GRIA1: variants seen among roughly 807,000 people sequenced by gnomAD.
GRIA1 encodes glutamate ionotropic receptor AMPA type subunit 1, also known as glutamate receptor 1.
GRIA1 carries 31 observed loss-of-function variants against 99.2 expected under a neutral mutation model. That is an observed-to-expected ratio of 0.31 (90% CI 0.23 to 0.42). The LOEUF (loss-of-function observed/expected upper bound fraction) is 0.42, where lower values mean the gene tolerates loss of function less well. Among genes scored for constraint, GRIA1 ranks in the 10% least tolerant of loss-of-function variants. The probability of loss-of-function intolerance (pLI) is 1.00; values close to 1 mark genes in which losing one functional copy is unlikely to be tolerated. For missense variants in GRIA1, 782 were observed against 1,157.5 expected, an observed-to-expected ratio of 0.68 and a Z score of 4.71; for synonymous variants, 438 against 432.4, an observed-to-expected ratio of 1.01 and a Z score of -0.16.
intron 1 of GRIA1, chr5:153,491,255 A>T: frequency 7.5e-7 from 1 of 1,340,352 alleles, no homozygotes; most frequent in South Asian, 2.0e-5. Context: ...GAAAAAAAAA[A>T]TCAGGCTGGA....
In GRIA1 at chr5:153,802,106, T is replaced by C. The variant is rs192631744; in HGVS notation, c.2386-250T>C. 3.5e-3 allele frequency among the ~76,000 whole-genome samples: 526 copies of C among 152,242 alleles called. 2 individuals are homozygous for C. Among genetic ancestry groups the C allele is most frequent in the Non-Finnish European group, 3.6e-3 (245 of 68,012 alleles). On this transcript the variant is annotated intron_variant, in intron 14 of 15. Coordinates refer to ENST00000285900, the MANE Select transcript of GRIA1 (RefSeq NM_000827.4). ...AGAAAAGGCATTGAGGAGTGGGGAA[T>C]TGTAATTACAAGTTCAACATAGTCA... is the stretch of plus-strand genomic sequence containing the variant.
chr5:153,586,864 C>T (rs1383552778), intron 2 of GRIA1, among the ~76,000 whole-genome samples: 3 of 152,250 alleles, frequency 2.0e-5, no homozygotes, highest in African/African-American at 2.4e-5. Flanking sequence ...GAGGGTCAGC[C>T]GGATATTTCA....
intron 2 of GRIA1, among the ~76,000 whole-genome samples, chr5:153,617,323 C>T (rs1364673316): frequency 6.6e-6 from 1 of 152,162 alleles, no homozygotes. Context: ...CCACTGTACA[C>T]ACAAGTAAGA....
At chr5:153,758,736 C>T (rs1261379084) in intron 11 of GRIA1, among the ~76,000 whole-genome samples, 1 of 151,926 alleles carries the variant, frequency 6.6e-6, no homozygotes, top group Non-Finnish European at 1.5e-5. Context: ...CTTTATAGAA[C>T]ATTCCATTCA....
At chr5:153,706,116 G>GTT (rs1554116506) in intron 11 of GRIA1, 49 bp downstream of exon 11, 3 of 1,430,486 alleles carry the variant, frequency 2.1e-6, no homozygotes, top group Non-Finnish European at 2.9e-6. Context: ...GGTTTTGTTT[G>GTT]TTTGTTTGTT....
At chr5:153,643,716 G>A (rs1367792085) in intron 2 of GRIA1, among the ~76,000 whole-genome samples, 1 of 152,176 alleles carries the variant, frequency 6.6e-6, no homozygotes, top group Non-Finnish European at 1.5e-5. Context: ...TGCTCTTTTA[G>A]GGAGTAGTGC....
intron 2 of GRIA1, among the ~76,000 whole-genome samples, chr5:153,600,090 TA>T (rs1176803999): frequency 2.0e-5 from 3 of 151,968 alleles, no homozygotes; most frequent in African/African-American, 7.2e-5. Context: ...TTCCTGTTTG[TA>T]ATAGAAGTAT....
At chr5:153,714,643 A>G (rs893499272) in intron 11 of GRIA1, among the ~76,000 whole-genome samples, 6 of 152,232 alleles carry the variant, frequency 3.9e-5, no homozygotes, top group African/African-American at 1.4e-4. Flanking sequence ...ACCTGCAAAG[A>G]AGTATTGAGC....
intron 10 of GRIA1, among the ~76,000 whole-genome samples, chr5:153,702,598 G>C (rs948185556): frequency 1.3e-5 from 2 of 152,194 alleles, no homozygotes; most frequent in Non-Finnish European, 2.9e-5. Flanking sequence ...GGATCTGCTA[G>C]GTCAGTGATT....
chr5:153,647,032 A>G lies in GRIA1; in HGVS notation c.325A>G (p.Ile109Val). The G allele has an allele frequency of 1.2e-6, 2 of 1,613,944 alleles. No individual in the cohort carries two copies. Among genetic ancestry groups the G allele is most frequent in the Non-Finnish European group, 1.7e-6 (2 of 1,179,900 alleles). Reference sequence around the variant, plus strand: ...TTGTGGGGCCCTCCACGTCTGCTTCATTACGCCGAGCTTTCCCGTTGATAC... The same window carrying G: ...TTGTGGGGCCCTCCACGTCTGCTTCGTTACGCCGAGCTTTCCCGTTGATAC... ...SFCGALHVCF[I>V]TPSFPVDTSN... is the part of the protein sequence containing the mutation. The change falls in exon 3 of 16, where the codon ATT becomes GTT. Residue 109 changes from isoleucine to valine, a missense_variant. By Grantham distance (29) the Ile-to-Val change is conservative. This residue lies in a region of GRIA1 where 461 missense variants were observed against 521.7 expected (regional missense o/e 0.88). Coordinates refer to ENST00000285900, the MANE Select transcript of GRIA1 (RefSeq NM_000827.4).
intron 2 of GRIA1, among the ~76,000 whole-genome samples, chr5:153,634,917 A>T (rs1427085886): frequency 6.6e-6 from 1 of 152,222 alleles, no homozygotes; most frequent in East Asian, 1.9e-4. Flanking sequence ...GGTTTTAAAG[A>T]TGCAGAACTT....
At chr5:153,572,898 C>T (rs1176197443) in intron 2 of GRIA1, among the ~76,000 whole-genome samples, 1 of 152,300 alleles carries the variant, frequency 6.6e-6, no homozygotes, top group Non-Finnish European at 1.5e-5. Context: ...AAGAGGGAGG[C>T]ATGCGAGAAA....
chr5:153,672,000 C>T (rs1289486641), intron 5 of GRIA1, among the ~76,000 whole-genome samples: 1 of 152,156 alleles, frequency 6.6e-6, no homozygotes, highest in African/African-American at 2.4e-5. Context: ...GAAGCAGTTC[C>T]CTGAAACAAG....
chr5:153,663,607 C>T lies in GRIA1; in HGVS notation c.699+7735C>T, dbSNP rs377463570. On this transcript the variant is annotated intron_variant, in intron 5 of 15. Coordinates refer to ENST00000285900, the MANE Select transcript of GRIA1 (RefSeq NM_000827.4). ...TAAAGTTTTAGAACACAGAGTGCAA[C>T]AGAAGCCCAGGGTCTCATCCTAACT... Among the ~76,000 whole-genome samples, 8 of 152,318 alleles carry T rather than the reference C, an allele frequency of 5.3e-5. No homozygotes were observed. In the East Asian group the frequency reaches 1.2e-3, roughly 22 times the overall value.
rs1484901148 is a variant in GRIA1, at chr5:153,490,812, AG to A, written c.-76del. On this transcript the variant is annotated 5_prime_UTR_variant, in exon 1 of 16. Coordinates refer to ENST00000285900, the MANE Select transcript of GRIA1 (RefSeq NM_000827.4). ...GAAAAGAACAGGCAGAACAGCGAGA[AG>A]AATAAAGGGAAAGGGGGGGAAACAC... 1.9e-6 allele frequency: 2 copies of A among 1,025,764 alleles called. No individual in the cohort carries two copies. The highest frequency in any genetic ancestry group is 3.1e-5 in the African/African-American group (2 of 63,848). The allele number at this position is 1,025,764 out of a possible 1,614,324, so 63.5% of individuals were successfully genotyped here. A position where few individuals can be genotyped will look rare whatever the true frequency, so the allele number is the denominator to read the frequency against.
intron 14 of GRIA1, among the ~76,000 whole-genome samples, chr5:153,801,170 G>A (rs1291959237): frequency 6.6e-6 from 1 of 152,234 alleles, no homozygotes; most frequent in African/African-American, 2.4e-5. Flanking sequence ...CTCTCACCAT[G>A]ACCATCAGTT....
chr5:153,790,313 T>C (rs1765219952), intron 13 of GRIA1, among the ~76,000 whole-genome samples: 2 of 152,218 alleles, frequency 1.3e-5, no homozygotes, highest in Admixed American at 1.3e-4. Flanking sequence ...ATGACCAATC[T>C]CTTATTTGCG....
intron 8 of GRIA1, among the ~76,000 whole-genome samples, chr5:153,690,029 C>T (rs1422165362): frequency 6.6e-6 from 1 of 152,132 alleles, no homozygotes; most frequent in African/African-American, 2.4e-5. Flanking sequence ...TAATGGTTCT[C>T]AAGCCTCAGC....
intron 2 of GRIA1, among the ~76,000 whole-genome samples, chr5:153,527,212 T>C (rs479946): frequency 6.6e-6 from 1 of 151,920 alleles, no homozygotes; most frequent in Non-Finnish European, 1.5e-5. Flanking sequence ...AAATTTCCAA[T>C]AGCTAAATTC....
Sources: gnomAD v4.1 joint callset for allele counts (sites outside exome capture counted in the v4.1 genomes callset) on GRCh38, gnomAD v4.1.1 for gene constraint, gnomAD v4.1.1 regional missense constraint, MANE v1.5 for transcripts, NCBI Gene and HGNC (gene_info 2026-07-23, HGNC 2026-07-21) for gene names.